The following TSHZ1 variants were observed in gnomAD, a reference collection of about 807,000 sequenced individuals.
TSHZ1 encodes teashirt zinc finger homeobox 1.
A neutral mutation model predicts 67.1 loss-of-function variants in TSHZ1; 12 were observed. That is an observed-to-expected ratio of 0.18 (90% CI 0.11 to 0.29). The LOEUF (loss-of-function observed/expected upper bound fraction) is 0.29, where lower values mean the gene tolerates loss of function less well. Among genes scored for constraint, TSHZ1 ranks in the 10% least tolerant of loss-of-function variants. The probability of loss-of-function intolerance (pLI) is 1.00; values close to 1 mark genes in which losing one functional copy is unlikely to be tolerated. For missense variants in TSHZ1, 1,305 were observed against 1,413.9 expected (o/e 0.92, Z 1.23); for synonymous variants, 632 against 622.4 (o/e 1.02, Z -0.23).
In TSHZ1 at chr18:75,285,927, A is replaced by T; in HGVS notation, c.520A>T (p.Thr174Ser). 1.5e-6 allele frequency: 2 copies of T among 1,307,178 alleles called. No individual in the cohort carries two copies. The highest frequency in any genetic ancestry group is 2.0e-6 in the Non-Finnish European group (2 of 999,002). 81.0% of individuals were successfully genotyped at this position (1,307,178 alleles called of 1,614,324 possible). A position where few individuals can be genotyped will look rare whatever the true frequency, so the allele number is the denominator to read the frequency against. The change falls in exon 2 of 2, where the codon ACG becomes TCG. Residue 174 changes from threonine (T) to serine (S), a missense_variant. This residue lies in a region of TSHZ1 where 358 missense variants were observed against 375.6 expected (regional missense o/e 0.95). Transcript: ENST00000580243. Reference protein sequence around the residue: ...PVSTTGPTTSTPSTSCSSSTS... With the variant: ...PVSTTGPTTSSPSTSCSSSTS... ...CAGCACCACTGGCCCCACCACGAGCACGCCCAGCACCAGCTGCAGCTCCAG... is the reference window on the plus strand; with the variant it reads ...CAGCACCACTGGCCCCACCACGAGCTCGCCCAGCACCAGCTGCAGCTCCAG...
Position 75,288,018 on chromosome 18 carries a change from A to G in TSHZ1, c.2611A>G (p.Ser871Gly). ...AGAGAAGTCCGATGCTGATGGCAGC[A>G]GCTTTGAGGAGGCGTTGGACGAGCT... ...VSEKSDADGS[S>G]FEEALDELSP... The change falls in exon 2 of 2, where the codon AGC (serine) becomes GGC (glycine). Residue 871 changes from serine to glycine, a missense_variant. By Grantham distance (56) the Ser-to-Gly change is moderately conservative. Coordinates refer to ENST00000580243, the MANE Select transcript of TSHZ1 (RefSeq NM_001308210.2). This position sits in a 1 kb window ranked among gnomAD's most constrained non-coding sequence, Gnocchi z 4.9. 6.2e-7 allele frequency: 1 copy of G among 1,614,214 alleles called. No individual in the cohort carries two copies. The highest frequency in any genetic ancestry group is 8.5e-7 in the Non-Finnish European group (1 of 1,180,050).
intron 1 of TSHZ1, among the ~76,000 whole-genome samples, chr18:75,247,308 G>A (rs971995448): frequency 5.3e-5 from 8 of 152,320 alleles, no homozygotes; most frequent in Admixed American, 6.5e-5. Context: ...GTACCCCAGA[G>A]GGCCACACTG....
intron 1 of TSHZ1, among the ~76,000 whole-genome samples, chr18:75,237,514 C>T (rs2122545005): frequency 6.6e-6 from 1 of 152,198 alleles, no homozygotes; most frequent in South Asian, 2.1e-4. Context: ...CGAGAAAGGC[C>T]TTGTCTTCAA....
chr18:75,258,736 T>C (rs2023393789), intron 1 of TSHZ1, among the ~76,000 whole-genome samples: 1 of 152,130 alleles, frequency 6.6e-6, no homozygotes. Flanking sequence ...CTTATGGCCC[T>C]CAGTGAGAAA....
intron 1 of TSHZ1, among the ~76,000 whole-genome samples, chr18:75,229,182 C>T (rs1312065123): frequency 6.6e-6 from 1 of 152,236 alleles, no homozygotes; most frequent in Non-Finnish European, 1.5e-5. Flanking sequence ...GGGTGCCACC[C>T]GACCTGCCGG....
chr18:75,261,938 G>C (rs2023435841), intron 1 of TSHZ1, among the ~76,000 whole-genome samples: 1 of 152,180 alleles, frequency 6.6e-6, no homozygotes. Flanking sequence ...TGAGGCTTTT[G>C]GTGTTGAGAA....
At chr18:75,267,258 A>G (rs532757548) in intron 1 of TSHZ1, among the ~76,000 whole-genome samples, 1 of 152,362 alleles carries the variant, frequency 6.6e-6, no homozygotes, top group African/African-American at 2.4e-5. Context: ...AGTTGAAGAA[A>G]TGATGCCAAC....
chr18:75,284,934 T>C (rs2023732056), intron 1 of TSHZ1: 1 of 152,396 alleles, frequency 6.6e-6, no homozygotes, highest in African/African-American at 2.4e-5. Context: ...TGTTGGTGCT[T>C]TTGGTGAAGA....
In TSHZ1 at chr18:75,230,358, C is replaced by T. The variant is rs61692916; in HGVS notation, c.40+18442C>T. ...CTGGAGCAGCGTGTTCCTAGGAGCGCACCTTACGGAGGGTCCTGAGTGCCA... is the reference window on the plus strand; with the variant it reads ...CTGGAGCAGCGTGTTCCTAGGAGCGTACCTTACGGAGGGTCCTGAGTGCCA... On this transcript the variant is annotated intron_variant, in intron 1 of 1. Coordinates refer to ENST00000580243, the MANE Select transcript of TSHZ1 (RefSeq NM_001308210.2). Among the ~76,000 whole-genome samples the T allele has an allele frequency of 5.1e-3, 780 of 152,238 alleles. 13 individuals carry two copies. The highest frequency in any genetic ancestry group is 0.018 in the African/African-American group (734 of 41,526).
Position 75,288,511 on chromosome 18 carries a change from C to T in TSHZ1, c.3104C>T (p.Ser1035Phe), listed in dbSNP as rs538007160. The T allele has an allele frequency of 4.3e-6, 7 of 1,614,244 alleles. No homozygotes were observed. In the South Asian group the frequency reaches 5.5e-5, roughly 13 times the overall value. The change falls in exon 2 of 2, where the codon TCC becomes TTC. Residue 1035 changes from serine to phenylalanine, a missense_variant. By Grantham distance (155) the Ser-to-Phe change is radical (BLOSUM62 -2). Coordinates refer to ENST00000580243, the MANE Select transcript of TSHZ1 (RefSeq NM_001308210.2). The surrounding 1 kb of genome is among the most constrained non-coding windows in gnomAD (Gnocchi z 4.9). ...GGGGCCACCGAGGAAGACTTGGGCT[C>T]CACATTCCAATGTAAGCTCTGCAAC... ...PLGATEEDLG[S>F]TFQCKLCNRT... is the part of the protein sequence containing the mutation.
intron 1 of TSHZ1, among the ~76,000 whole-genome samples, chr18:75,262,150 CT>C (rs2122582925): frequency 6.6e-6 from 1 of 152,288 alleles, no homozygotes; most frequent in Non-Finnish European, 1.5e-5. Flanking sequence ...GAAATAAGAG[CT>C]TGGTGAAGCA....
Position 75,211,612 on chromosome 18 carries a change from C to T in TSHZ1, c.-265C>T, listed in dbSNP as rs1292194001. Reference sequence around the variant, plus strand: ...GCGCCGGGGATGACTCCGGGCTCGGCGCCCAGGCCCCGCGCGCTCCGCCCG... The same window carrying T: ...GCGCCGGGGATGACTCCGGGCTCGGTGCCCAGGCCCCGCGCGCTCCGCCCG... On this transcript the variant is annotated 5_prime_UTR_variant, in exon 1 of 2. Transcript: ENST00000580243. The T allele has an allele frequency of 7.8e-6, 1 of 127,410 alleles. No individual in the cohort carries two copies. Among genetic ancestry groups the T allele is most frequent in the African/African-American group, 2.9e-5 (1 of 34,604 alleles). 7.9% of individuals were successfully genotyped at this position (127,410 alleles called of 1,614,324 possible). A position where few individuals can be genotyped will look rare whatever the true frequency, so the allele number is the denominator to read the frequency against.
intron 1 of TSHZ1, among the ~76,000 whole-genome samples, chr18:75,272,307 C>T (rs12969532): frequency 0.03 from 4,502 of 152,272 alleles, 101 homozygotes; most frequent in East Asian, 0.11. Flanking sequence ...TAGCTAATAA[C>T]GTGCTCTTTT....
At chr18:75,280,712 T>C (rs569490826) in intron 1 of TSHZ1, 87 of 981,470 alleles carry the variant, frequency 8.9e-5, no homozygotes, top group East Asian at 1.1e-4. Context: ...GGTTGTGAGA[T>C]TAAATGAAGC....
intron 1 of TSHZ1, chr18:75,285,191 G>T (rs192964293): frequency 9.4e-5 from 30 of 318,062 alleles, no homozygotes; most frequent in Admixed American, 1.8e-4. Context: ...GGCTGCAAGG[G>T]TCAAACTGAC....
At chr18:75,280,853 T>A (rs1269317363) in intron 1 of TSHZ1, 2 of 981,556 alleles carry the variant, frequency 2.0e-6, no homozygotes, top group African/African-American at 3.5e-5. Context: ...GTGAATTCCG[T>A]GAGGGGATTG....
chr18:75,287,492 T>C lies in TSHZ1; in HGVS notation c.2085T>C (p.Pro695=). 2 of 1,614,166 alleles carry C rather than the reference T, an allele frequency of 1.2e-6. No individual in the cohort carries two copies. Among genetic ancestry groups the C allele is most frequent in the Non-Finnish European group, 1.7e-6 (2 of 1,180,026 alleles). Residue 695 remains proline (P), a synonymous_variant, in exon 2 of 2, where the codon CCT becomes CCC. Transcript: ENST00000580243. This position sits in a 1 kb window ranked among gnomAD's most constrained non-coding sequence, Gnocchi z 5.0. ...EVSGKPQKKG[P]EAETGKAKKE... ...GCGGCAAACCACAGAAGAAGGGCCC[T>C]GAGGCCGAGACTGGGAAGGCCAAAA...
chr18:75,248,823 G>A (rs1239353117), intron 1 of TSHZ1, among the ~76,000 whole-genome samples: 1 of 152,154 alleles, frequency 6.6e-6, no homozygotes, highest in Non-Finnish European at 1.5e-5. Context: ...TACCCTCTGT[G>A]GTGTCTGCAC....
At chr18:75,277,458 T>A (rs2023627792) in intron 1 of TSHZ1, among the ~76,000 whole-genome samples, 1 of 152,012 alleles carries the variant, frequency 6.6e-6, no homozygotes, top group Non-Finnish European at 1.5e-5. Context: ...CCGTAGACTG[T>A]GTGGCTGTGT....
Sources: gnomAD v4.1 joint callset for allele counts (sites outside exome capture counted in the v4.1 genomes callset) on GRCh38, gnomAD v4.1.1 for gene constraint, gnomAD v4.1.1 regional missense constraint, Gnocchi (gnomAD v3.1) non-coding constraint, MANE v1.5 for transcripts, NCBI Gene and HGNC (gene_info 2026-07-23, HGNC 2026-07-21) for gene names.